Variants in UNC13C observed in about 807,000 individuals in gnomAD.
UNC13C encodes unc-13 homolog C, also known as protein unc-13 homolog C.
A neutral mutation model predicts 245.4 loss-of-function variants in UNC13C; 174 were observed. The observed-to-expected ratio is 0.71, with a 90% CI of 0.63 to 0.80. The LOEUF (loss-of-function observed/expected upper bound fraction) is 0.80. Ranked by LOEUF, UNC13C falls within the 30% of genes least tolerant of loss-of-function variation. The pLI is 0.00. For synonymous variants in UNC13C, 992 were observed against 895.1 expected (o/e 1.11, Z -1.93); for missense variants, 2,829 against 2,602.9 (o/e 1.09, Z -1.89).
At chr15:54,580,695 T>C (rs1898159758) in intron 30 of UNC13C, among the ~76,000 whole-genome samples, 1 of 152,232 alleles carries the variant, frequency 6.6e-6, no homozygotes, top group African/African-American at 2.4e-5. Flanking sequence ...ATCATTCTTA[T>C]GGCATCCTCA....
At chr15:53,940,667 CCAA>C in the UNC13C span, among the ~76,000 whole-genome samples, 2 of 152,024 alleles carry the variant, frequency 1.3e-5, no homozygotes, top group Non-Finnish European at 2.9e-5. Flanking sequence ...TTCCTATACA[CCAA>C]CAACAGACAA....
intron 10 of UNC13C, among the ~76,000 whole-genome samples, chr15:54,281,316 A>C (rs1019663619): frequency 6.6e-6 from 1 of 152,210 alleles, no homozygotes; most frequent in Non-Finnish European, 1.5e-5. Context: ...AAGTTGGATC[A>C]TACACTCCAG....
At chr15:54,306,969 A>T (rs1025577188) in intron 13 of UNC13C, among the ~76,000 whole-genome samples, 1 of 152,012 alleles carries the variant, frequency 6.6e-6, no homozygotes, top group Non-Finnish European at 1.5e-5. Flanking sequence ...TTGTTTAAGA[A>T]ATATTTACTC....
chr15:53,898,919 G>A, the UNC13C span, among the ~76,000 whole-genome samples: 1 of 152,078 alleles, frequency 6.6e-6, no homozygotes, highest in African/African-American at 2.4e-5. Flanking sequence ...CTGAAAGTCT[G>A]TCCACTTTGA....
At chr15:54,405,305 A>G (rs2040268852) in intron 18 of UNC13C, among the ~76,000 whole-genome samples, 1 of 152,146 alleles carries the variant, frequency 6.6e-6, no homozygotes, top group South Asian at 2.1e-4. Context: ...TTTGGAATGC[A>G]TTGCTATTTA....
At chr15:54,248,319 G>A (rs1009130116) in intron 7 of UNC13C, among the ~76,000 whole-genome samples, 2 of 151,790 alleles carry the variant, frequency 1.3e-5, no homozygotes, top group Admixed American at 1.3e-4. Context: ...GCTACATTAC[G>A]CACACAAACA....
At chr15:53,962,751 T>G in the UNC13C span, among the ~76,000 whole-genome samples, 33 of 152,224 alleles carry the variant, frequency 2.2e-4, no homozygotes, top group Admixed American at 1.5e-3. Flanking sequence ...GCCATGGTTT[T>G]TAGTGACTTT....
intron 1 of UNC13C, among the ~76,000 whole-genome samples, chr15:53,986,982 T>A (rs1200070917): frequency 6.6e-6 from 1 of 152,056 alleles, no homozygotes. Context: ...AGAATAAGGA[T>A]AAATATAATA....
intron 1 of UNC13C, among the ~76,000 whole-genome samples, chr15:53,982,492 G>C (rs1459894371): frequency 6.6e-6 from 1 of 152,072 alleles, no homozygotes; most frequent in Non-Finnish European, 1.5e-5. Flanking sequence ...TCTGAAAGGG[G>C]GCACTGATGA....
chr15:54,545,446 A>G (rs918615871), intron 26 of UNC13C, among the ~76,000 whole-genome samples: 8 of 152,190 alleles, frequency 5.3e-5, no homozygotes, highest in African/African-American at 1.7e-4. Flanking sequence ...AAACTGACAA[A>G]TGGGATCTAA....
chr15:54,446,008 T>G (rs916537934), intron 19 of UNC13C, among the ~76,000 whole-genome samples: 11 of 152,244 alleles, frequency 7.2e-5, no homozygotes, highest in Non-Finnish European at 1.3e-4. Context: ...GCTTTCTACC[T>G]ATGGCTAGCC....
At chr15:54,461,160 G>T (rs1891825170) in intron 19 of UNC13C, among the ~76,000 whole-genome samples, 1 of 151,876 alleles carries the variant, frequency 6.6e-6, no homozygotes, top group Admixed American at 6.5e-5. Context: ...TTTTATTCAA[G>T]TTATATTATT....
intron 17 of UNC13C, among the ~76,000 whole-genome samples, chr15:54,371,970 G>T (rs998358668): frequency 3.3e-5 from 5 of 151,992 alleles, no homozygotes; most frequent in Non-Finnish European, 7.4e-5. Context: ...TCATGTCCTT[G>T]TTGATCAAAG....
chr15:53,918,445 A>C, the UNC13C span, among the ~76,000 whole-genome samples: 2 of 152,192 alleles, frequency 1.3e-5, no homozygotes, highest in East Asian at 3.9e-4. Flanking sequence ...GAAAAATAGT[A>C]GTAATTTAAC....
At chr15:53,870,208 A>G in the UNC13C span, among the ~76,000 whole-genome samples, 4 of 152,200 alleles carry the variant, frequency 2.6e-5, no homozygotes, top group Non-Finnish European at 4.4e-5. Flanking sequence ...TTTAAGTTTA[A>G]AACTTTTTAT....
Position 54,264,350 on chromosome 15 carries a change from G to T in UNC13C, c.3631G>T (p.Val1211Leu). 1 of 1,605,542 alleles carries T rather than the reference G, an allele frequency of 6.2e-7. No individual in the cohort carries two copies. Among genetic ancestry groups the T allele is most frequent in the Admixed American group, 1.7e-5 (1 of 58,926 alleles). ...VQFTKAAKQS[V>L]LDGTSKWSAK... ...GTTTACAAAGGCGGCCAAACAGAGT[G>T]TACTGGATGGGACATCTAAGTGGTC... Residue 1211 changes from valine to leucine, a missense_variant, in exon 9 of 33, where the codon GTA becomes TTA. Coordinates refer to ENST00000260323, the MANE Select transcript of UNC13C (RefSeq NM_001080534.3).
chr15:54,089,022 A>T (rs527782602), intron 2 of UNC13C, among the ~76,000 whole-genome samples: 2 of 152,256 alleles, frequency 1.3e-5, no homozygotes, highest in Admixed American at 1.3e-4. Context: ...TAGTCCTGTC[A>T]CATACCACAG....
At position 54,189,157 on chromosome 15, in the gene UNC13C, CTAGATGAAAAGCTCA is replaced by C. The variant is rs1328578450; in HGVS notation, c.3071+45475_3071+45489del. The stretch of plus-strand genomic sequence containing the variant: ...ACTAGACATCTGTATTCATATGAGA[CTAGATGAAAAGCTCA>C]TTTTCTTTGTCCCACAGGTCAGCGT... On this transcript the variant is annotated intron_variant, in intron 4 of 32. Transcript: ENST00000260323. 3.3e-5 allele frequency among the ~76,000 whole-genome samples: 5 copies of C among 152,170 alleles called. No individual in the cohort carries two copies. The East Asian group carries it at 9.7e-4, about 29-fold the overall frequency.
chr15:54,033,225 A>T (rs567529398), intron 2 of UNC13C, among the ~76,000 whole-genome samples: 11 of 150,510 alleles, frequency 7.3e-5, no homozygotes, highest in Middle Eastern at 3.4e-3. Context: ...CTTAGTTTAT[A>T]AAAAAAAAGA....
Sources: gnomAD v4.1 joint callset for allele counts (sites outside exome capture counted in the v4.1 genomes callset) on GRCh38, gnomAD v4.1.1 for gene constraint, MANE v1.5 for transcripts, NCBI Gene and HGNC (gene_info 2026-07-23, HGNC 2026-07-21) for gene names.